Variants in PRKCE observed in about 807,000 individuals in gnomAD.
PRKCE encodes the protein protein kinase C epsilon, also known as protein kinase C epsilon type.
PRKCE carries 16 observed loss-of-function variants against 85.4 expected under a neutral mutation model. That is an observed-to-expected ratio of 0.19 (90% CI 0.13 to 0.28). The LOEUF (loss-of-function observed/expected upper bound fraction) is 0.28, where lower values mean the gene tolerates loss of function less well. Among genes scored for constraint, PRKCE ranks in the 10% least tolerant of loss-of-function variants. PRKCE has a pLI of 1.00. For synonymous variants in PRKCE, 388 were observed against 371.5 expected, an observed-to-expected ratio of 1.04 and a Z score of -0.51; for missense variants, 573 against 975.2, an observed-to-expected ratio of 0.59 and a Z score of 5.49.
At chr2:45,817,500 T>C (rs7607317) in intron 1 of PRKCE, among the ~76,000 whole-genome samples, 49,101 of 151,674 alleles carry the variant, frequency 0.32, 8,924 homozygotes, top group Middle Eastern at 0.46. Flanking sequence ...GAGACCATCC[T>C]GGCTAACACG....
chr2:45,686,364 C>G (rs1239050701), intron 1 of PRKCE: 3 of 152,146 alleles, frequency 2.0e-5, no homozygotes, highest in Admixed American at 1.3e-4. Flanking sequence ...ATAAGGAGGT[C>G]TACTACTACT....
intron 2 of PRKCE, among the ~76,000 whole-genome samples, chr2:45,948,395 T>G (rs1700382887): frequency 6.6e-6 from 1 of 152,194 alleles, no homozygotes. Flanking sequence ...ATCCTAGTAC[T>G]TGGGGAGGCC....
In PRKCE at chr2:45,803,281, T is replaced by C. The variant is rs1573418638; in HGVS notation, c.349-39719T>C. Among the ~76,000 whole-genome samples, 3 of 152,310 alleles carry C rather than the reference T, an allele frequency of 2.0e-5. No homozygotes were observed. In the South Asian group the frequency reaches 6.2e-4, roughly 32 times the overall value. On this transcript the variant is annotated intron_variant, in intron 1 of 14. Coordinates refer to ENST00000306156, the MANE Select transcript of PRKCE (RefSeq NM_005400.3). ...TGATCTGGTCTTTTAGCCGTGACCA[T>C]TTCACACCACGAAATAATACACTGA...
At chr2:45,981,673 A>C (rs1315007569) in intron 5 of PRKCE, among the ~76,000 whole-genome samples, 1 of 152,228 alleles carries the variant, frequency 6.6e-6, no homozygotes, top group Non-Finnish European at 1.5e-5. Context: ...TGTTGCTTTC[A>C]CGAGGAAATG....
At chr2:46,039,135 T>C (rs1708065300) in intron 10 of PRKCE, among the ~76,000 whole-genome samples, 1 of 152,230 alleles carries the variant, frequency 6.6e-6, no homozygotes, top group Admixed American at 6.5e-5. Context: ...ATTCTTGATC[T>C]GCAAAATAAG....
intron 2 of PRKCE, among the ~76,000 whole-genome samples, chr2:45,880,979 C>G (rs1694840447): frequency 6.6e-6 from 1 of 151,856 alleles, no homozygotes. Flanking sequence ...CGGTGAAACC[C>G]CGTCTCTACT....
At chr2:45,924,849 G>A (rs1241688925) in intron 2 of PRKCE, among the ~76,000 whole-genome samples, 1 of 152,228 alleles carries the variant, frequency 6.6e-6, no homozygotes, top group Non-Finnish European at 1.5e-5. Context: ...CAGAAACAAT[G>A]GAAGGCATAG....
At chr2:46,132,534 A>T (rs1674564668) in intron 11 of PRKCE, among the ~76,000 whole-genome samples, 2 of 152,100 alleles carry the variant, frequency 1.3e-5, no homozygotes, top group South Asian at 4.2e-4. Context: ...TGATTTTGTA[A>T]ACTCTACCAG....
chr2:46,024,402 ATGCC>A (rs1422157988), intron 10 of PRKCE, among the ~76,000 whole-genome samples: 2 of 152,036 alleles, frequency 1.3e-5, no homozygotes, highest in African/African-American at 4.8e-5. Flanking sequence ...TCCAGGGAGA[ATGCC>A]AGGAAGGATC....
At chr2:46,160,974 G>A (rs141815792) in intron 14 of PRKCE, among the ~76,000 whole-genome samples, 7 of 152,182 alleles carry the variant, frequency 4.6e-5, no homozygotes, top group Non-Finnish European at 8.8e-5. Flanking sequence ...CTCCTCATTC[G>A]CTTCCTCCTT....
At chr2:45,775,629 C>T (rs1388524942) in intron 1 of PRKCE, among the ~76,000 whole-genome samples, 1 of 152,204 alleles carries the variant, frequency 6.6e-6, no homozygotes, top group Non-Finnish European at 1.5e-5. Flanking sequence ...ATTTCCACTA[C>T]CCTGGTCTGA....
intron 2 of PRKCE, among the ~76,000 whole-genome samples, chr2:45,884,413 G>C (rs1285820806): frequency 6.6e-6 from 1 of 152,200 alleles, no homozygotes; most frequent in African/African-American, 2.4e-5. Flanking sequence ...TGAGGAAGGA[G>C]GCCTGGGTTC....
At chr2:45,721,393 G>A (rs1199220999) in intron 1 of PRKCE, among the ~76,000 whole-genome samples, 1 of 152,178 alleles carries the variant, frequency 6.6e-6, no homozygotes, top group Non-Finnish European at 1.5e-5. Context: ...TCACCAGGCA[G>A]TGTCTGATGA....
intron 1 of PRKCE, among the ~76,000 whole-genome samples, chr2:45,756,104 G>C (rs1160320497): frequency 2.0e-5 from 3 of 152,218 alleles, no homozygotes; most frequent in Non-Finnish European, 4.4e-5. Flanking sequence ...GCAGGGAAGA[G>C]TGGCTACAGA....
intron 11 of PRKCE, among the ~76,000 whole-genome samples, chr2:46,087,546 T>C (rs565488539): frequency 1.8e-4 from 27 of 152,218 alleles, no homozygotes; most frequent in Non-Finnish European, 2.9e-4. Flanking sequence ...GTCAGTGATT[T>C]CCTAGAGCCC....
At chr2:45,940,556 T>C (rs1328467569) in intron 2 of PRKCE, among the ~76,000 whole-genome samples, 1 of 152,134 alleles carries the variant, frequency 6.6e-6, no homozygotes. Flanking sequence ...AACACGTTAA[T>C]TGGAGCAAGA....
intron 1 of PRKCE, among the ~76,000 whole-genome samples, chr2:45,682,993 C>T (rs563000223): frequency 2.7e-4 from 41 of 152,132 alleles, no homozygotes; most frequent in African/African-American, 9.6e-4. Flanking sequence ...GTTCTCTTTA[C>T]GAAAAAAGAA....
At chr2:45,810,127 G>A (rs973772625) in intron 1 of PRKCE, among the ~76,000 whole-genome samples, 9 of 151,596 alleles carry the variant, frequency 5.9e-5, no homozygotes, top group Non-Finnish European at 1.2e-4. Context: ...TGCAACCTCC[G>A]CCTCCCAGGT....
At chr2:45,765,968 A>G (rs1050220429) in intron 1 of PRKCE, among the ~76,000 whole-genome samples, 10 of 152,328 alleles carry the variant, frequency 6.6e-5, no homozygotes, top group African/African-American at 2.4e-4. Flanking sequence ...CCTTATTGCA[A>G]TGAAGTTGCA....
Sources: allele counts gnomAD v4.1 joint callset (sites outside exome capture counted in the v4.1 genomes callset), GRCh38; gene constraint gnomAD v4.1.1; transcripts MANE v1.5; gene names NCBI Gene and HGNC (gene_info 2026-07-23, HGNC 2026-07-21).